Variants in TACC2 observed in about 807,000 individuals in gnomAD.
TACC2 encodes transforming acidic coiled-coil-containing protein 2.
Under a neutral mutation model 227.3 loss-of-function variants are expected in TACC2, and 137 were observed. The ratio of observed to expected loss-of-function variants is 0.60; its 90% CI spans 0.52 to 0.69. The LOEUF is 0.69. TACC2 is among the 30% of genes least tolerant of loss of function. The probability of loss-of-function intolerance (pLI) is 0.00; values close to 1 mark genes in which losing one functional copy is unlikely to be tolerated. For synonymous variants in TACC2, 1,523 were observed against 1,487.5 expected, an observed-to-expected ratio of 1.02 and a Z score of -0.55; for missense variants, 3,470 against 3,694.4, an observed-to-expected ratio of 0.94 and a Z score of 1.57.
chr10:122,084,845 C>G lies in TACC2; in HGVS notation c.2345C>G (p.Pro782Arg), dbSNP rs773200885. 23 of 1,613,886 alleles carry G rather than the reference C, an allele frequency of 1.4e-5. No homozygotes were observed. In the South Asian group the frequency reaches 2.2e-4, roughly 15 times the overall value. Residue 782 changes from proline to arginine, a missense_variant, in exon 4 of 23, where the codon CCC becomes CGC. This residue lies in a region of TACC2 where 1,924 missense variants were observed against 1,978.3 expected (regional missense o/e 0.97). Coordinates refer to ENST00000369005, the MANE Select transcript of TACC2 (RefSeq NM_206862.4). ...QEFHAGVPHPPQGENLAADLG... is the reference protein window; with the variant it reads ...QEFHAGVPHPRQGENLAADLG... ...TTTCATGCTGGGGTGCCACATCCCC[C>G]CCAGGGGGAGAACTTGGCAGCAGAC...
chr10:122,050,771 A>G lies in TACC2; in HGVS notation c.146+221A>G. 1 of 531,524 alleles carries G rather than the reference A, an allele frequency of 1.9e-6. No homozygotes were observed. Among genetic ancestry groups the G allele is most frequent in the Non-Finnish European group, 3.3e-6 (1 of 299,280 alleles). The allele number at this position is 531,524 out of a possible 1,614,324, so 32.9% of individuals were successfully genotyped here. A position where few individuals can be genotyped will look rare whatever the true frequency, so the allele number is the denominator to read the frequency against. On this transcript the variant is annotated intron_variant, in intron 3 of 22. Coordinates refer to ENST00000369005, the MANE Select transcript of TACC2 (RefSeq NM_206862.4). The surrounding 1 kb of genome is among the most constrained non-coding windows in gnomAD (Gnocchi z 4.6). The stretch of plus-strand genomic sequence containing the variant: ...CATCCTGATTGCCTGCCCAAAGATG[A>G]AATTAGTAATTATAGACTTCCATTC...
intron 1 of TACC2, among the ~76,000 whole-genome samples, chr10:122,008,264 A>ATTATTATTTTATTTT: frequency 7.4e-6 from 1 of 134,654 alleles, no homozygotes; most frequent in Non-Finnish European, 1.6e-5. Context: ...TATTATTATT[A>ATTATTATTTTATTTT]TTTTTTTTTT....
intron 8 of TACC2, among the ~76,000 whole-genome samples, chr10:122,200,561 C>T (rs11200471): frequency 0.11 from 13,742 of 126,822 alleles, 1,087 homozygotes; most frequent in East Asian, 0.32. Flanking sequence ...ACAGTGGCTG[C>T]GTTCACATGG....
chr10:122,020,831 A>C (rs1957241912), intron 1 of TACC2, among the ~76,000 whole-genome samples: 1 of 152,098 alleles, frequency 6.6e-6, no homozygotes, highest in Admixed American at 6.6e-5. Context: ...TGAAGGTAAC[A>C]CCTCTAGGCC....
chr10:121,996,337 A>G (rs577927181), intron 1 of TACC2, among the ~76,000 whole-genome samples: 1 of 152,234 alleles, frequency 6.6e-6, no homozygotes, highest in Non-Finnish European at 1.5e-5. Flanking sequence ...ATTACAGAAG[A>G]GAACTGCCTC....
At chr10:122,128,154 G>A (rs968125318) in intron 5 of TACC2, among the ~76,000 whole-genome samples, 1 of 152,042 alleles carries the variant, frequency 6.6e-6, no homozygotes, top group Non-Finnish European at 1.5e-5. Flanking sequence ...GTAGTCTGGC[G>A]CTTTCACTTT....
In TACC2 at chr10:122,143,715, C is replaced by T. The variant is rs1187432340; in HGVS notation, c.5834+9C>T. On this transcript the variant is annotated intron_variant, in intron 7 of 22. Transcript: ENST00000369005. ...GCCAAGGACCTCAGCAGGTATTGCGCAAGTCCCCCTCCACAGCACCTGCCC... is the reference window on the plus strand; with the variant it reads ...GCCAAGGACCTCAGCAGGTATTGCGTAAGTCCCCCTCCACAGCACCTGCCC... The T allele has an allele frequency of 6.2e-7, 1 of 1,612,868 alleles. No individual in the cohort carries two copies. Among genetic ancestry groups the T allele is most frequent in the South Asian group, 1.1e-5 (1 of 90,972 alleles).
At chr10:122,168,198 C>G (rs1299730777) in intron 7 of TACC2, among the ~76,000 whole-genome samples, 1 of 152,116 alleles carries the variant, frequency 6.6e-6, no homozygotes, top group African/African-American at 2.4e-5. Flanking sequence ...AGCCAGCGCA[C>G]CCAGCCATAG....
At chr10:122,245,682 G>A (rs1444534289) in intron 19 of TACC2, among the ~76,000 whole-genome samples, 1 of 152,152 alleles carries the variant, frequency 6.6e-6, no homozygotes, top group Non-Finnish European at 1.5e-5. Flanking sequence ...CTGTGACACT[G>A]TTGCTCTGAT....
rs1199822541 is a variant in TACC2 at position 122,254,275 on chromosome 10, T to G, written c.*219T>G. On this transcript the variant is annotated 3_prime_UTR_variant, in exon 23 of 23. Transcript: ENST00000369005. ...TTTTCCTAGTATAATTCATAGCAAGTTGACCTCAGAGTTCCTGTATCAGGG... is the reference window on the plus strand; with the variant it reads ...TTTTCCTAGTATAATTCATAGCAAGGTGACCTCAGAGTTCCTGTATCAGGG... 3 of 593,244 alleles carry G rather than the reference T, an allele frequency of 5.1e-6. No homozygotes were observed. The South Asian group carries it at 5.3e-5, about 10-fold the overall frequency. 36.7% of individuals were successfully genotyped at this position (593,244 alleles called of 1,614,324 possible). A position where few individuals can be genotyped will look rare whatever the true frequency, so the allele number is the denominator to read the frequency against.
chr10:122,007,799 A>T (rs141082318), intron 1 of TACC2, among the ~76,000 whole-genome samples: 2 of 152,186 alleles, frequency 1.3e-5, no homozygotes, highest in African/African-American at 4.8e-5. Context: ...TCAGTCCCCA[A>T]TGTGGCAGCA....
At position 122,039,462 on chromosome 10, in the gene TACC2, A is replaced by G. The variant is rs534764186; in HGVS notation, c.34-10976A>G. Among the ~76,000 whole-genome samples the G allele has an allele frequency of 1.2e-4, 19 of 152,090 alleles. No individual in the cohort carries two copies. The East Asian group carries it at 3.5e-3, about 28-fold the overall frequency. ...AGGCTGCTGATCTGAGTGCAGAAAA[A>G]GGCGTGGGAATTGGAAGGTGGGGGT... On this transcript the variant is annotated intron_variant, in intron 2 of 22. Coordinates refer to ENST00000369005, the MANE Select transcript of TACC2 (RefSeq NM_206862.4).
rs768158400 is a variant in TACC2 at position 122,087,185 on chromosome 10, C to G, written c.4685C>G (p.Ser1562Ter). 47 of 1,611,538 alleles carry G rather than the reference C, an allele frequency of 2.9e-5. No individual in the cohort carries two copies. The highest frequency in any genetic ancestry group is 4.0e-5 in the Non-Finnish European group (47 of 1,179,212). Residue 1562 changes from serine (S) to a stop codon, truncating the protein, a stop_gained, in exon 4 of 23, where the codon TCA (serine) becomes TGA (stop). Transcript: ENST00000369005. LOFTEE classifies it high-confidence loss of function. ...CAGGAATTAGCTTCAGGTCTTCCTT[C>G]ACCAGCAGCTACTCAGGAGCTCCCT... is the stretch of plus-strand genomic sequence containing the variant. Reference protein sequence around the residue: ...SRQELASGLPSPAATQELPVE... With the variant: ...SRQELASGLP
chr10:122,017,818 CAAA>C (rs5788525), intron 1 of TACC2, among the ~76,000 whole-genome samples: 9 of 74,948 alleles, frequency 1.2e-4, no homozygotes, highest in African/African-American at 3.0e-4. Context: ...GAAACTGTCT[CAAA>C]AAAAAAAAAA....
At chr10:122,134,527 A>G (rs535351198) in intron 6 of TACC2, among the ~76,000 whole-genome samples, 13 of 152,320 alleles carry the variant, frequency 8.5e-5, no homozygotes, top group Middle Eastern at 3.4e-3. Flanking sequence ...TCTTAAAGGA[A>G]AAACCCTAGC....
intron 3 of TACC2, among the ~76,000 whole-genome samples, chr10:122,066,874 A>T (rs1021713123): frequency 6.6e-6 from 1 of 152,216 alleles, no homozygotes; most frequent in African/African-American, 2.4e-5. Flanking sequence ...TGCTTTAAGA[A>T]GTACAATATA....
intron 3 of TACC2, among the ~76,000 whole-genome samples, chr10:122,071,944 C>T (rs1464077745): frequency 2.7e-5 from 4 of 147,242 alleles, no homozygotes; most frequent in African/African-American, 1.0e-4. Flanking sequence ...GTTTAATCCA[C>T]ATCCGCATAC....
At chr10:122,067,470 G>A (rs1018839985) in intron 3 of TACC2, among the ~76,000 whole-genome samples, 55 of 149,488 alleles carry the variant, frequency 3.7e-4, no homozygotes, top group African/African-American at 1.2e-3. Flanking sequence ...GTTTGGTTAC[G>A]ATATGCCTTG....
chr10:122,045,905 T>C (rs1411618661), intron 2 of TACC2, among the ~76,000 whole-genome samples: 1 of 152,220 alleles, frequency 6.6e-6, no homozygotes, highest in Non-Finnish European at 1.5e-5. Context: ...CCGGGTGCCA[T>C]GGCTCATGCC....
Sources: allele counts gnomAD v4.1 joint callset (sites outside exome capture counted in the v4.1 genomes callset), GRCh38; gene constraint gnomAD v4.1.1; regional missense constraint gnomAD v4.1.1; non-coding constraint Gnocchi (gnomAD v3.1); transcripts MANE v1.5; gene names NCBI Gene and HGNC (gene_info 2026-07-23, HGNC 2026-07-21).